ANK3: variants seen among roughly 807,000 people sequenced by gnomAD.
ANK3 encodes the protein ankyrin 3.
A neutral mutation model predicts 370.9 loss-of-function variants in ANK3; 57 were observed. The observed-to-expected ratio is 0.15, with a 90% CI of 0.12 to 0.19. The LOEUF (loss-of-function observed/expected upper bound fraction) is 0.19. ANK3 is among the 10% of genes least tolerant of loss of function. The pLI is 1.00. For synonymous variants in ANK3, 1,929 were observed against 1,946.3 expected, an observed-to-expected ratio of 0.99 and a Z score of 0.23; for missense variants, 4,439 against 5,302.1, an observed-to-expected ratio of 0.84 and a Z score of 5.06.
rs1465730947 is a variant in ANK3 at position 60,138,718 on chromosome 10, A to G, written c.2738+246T>C. 5.4e-6 allele frequency: 3 copies of G among 554,790 alleles called. No homozygotes were observed. In the East Asian group the frequency reaches 9.3e-5, roughly 17 times the overall value. The allele number at this position is 554,790 out of a possible 1,614,324, so 34.4% of individuals were successfully genotyped here. On this transcript the variant is annotated intron_variant, in intron 24 of 43. Coordinates refer to ENST00000280772, the MANE Select transcript of ANK3 (RefSeq NM_020987.5). The stretch of plus-strand genomic sequence containing the variant: ...GCTCTTTTGCTACTGTGCTGGCAGC[A>G]TGACTGCAAAGTGGGAAAAAAAAAA...
At chr10:60,482,775 C>T (rs1237121422) in intron 2 of ANK3, among the ~76,000 whole-genome samples, 1 of 152,200 alleles carries the variant, frequency 6.6e-6, no homozygotes, top group Non-Finnish European at 1.5e-5. Context: ...GTGTGAGCCA[C>T]TGCACTCAGC....
At chr10:60,590,857 T>C (rs538326567) in intron 2 of ANK3, among the ~76,000 whole-genome samples, 2 of 152,360 alleles carry the variant, frequency 1.3e-5, no homozygotes, top group East Asian at 3.9e-4. Flanking sequence ...CTTGTATTTT[T>C]ATTGTTGTAT....
chr10:60,412,511 G>A (rs1272663399), intron 2 of ANK3, among the ~76,000 whole-genome samples: 2 of 152,096 alleles, frequency 1.3e-5, no homozygotes, highest in African/African-American at 2.4e-5. Flanking sequence ...GAAGATTGCA[G>A]GACTTCTCAG....
rs552877701 is a variant in ANK3, at chr10:60,706,331, C to T, written c.57+26932G>A. Among the ~76,000 whole-genome samples the T allele has an allele frequency of 2.4e-3, 367 of 152,114 alleles. 2 individuals are homozygous for T. Among genetic ancestry groups the T allele is most frequent in the Middle Eastern group, 6.8e-3 (2 of 294 alleles). On this transcript the variant is annotated intron_variant, in intron 1 of 43. Transcript: ENST00000373827. ...GAAACATTCCAACCATAAGATAAACCCCTCCCTCACCAGAGACATGCCAGC... is the reference window on the plus strand; with the variant it reads ...GAAACATTCCAACCATAAGATAAACTCCTCCCTCACCAGAGACATGCCAGC...
At position 60,249,785 on chromosome 10, in the gene ANK3, C is replaced by T. The variant is rs139879809; in HGVS notation, c.798+12074G>A. ...TCAGTGGCCGATACCCCATCCTCAA[C>T]GAGAATGAGGCAATGAGGCTGCCCA... On this transcript the variant is annotated intron_variant, in intron 7 of 43. Transcript: ENST00000280772. Among the ~76,000 whole-genome samples, 541 of 152,288 alleles carry T rather than the reference C, an allele frequency of 3.6e-3. 4 individuals are homozygous for T. Among genetic ancestry groups the T allele is most frequent in the African/African-American group, 0.012 (507 of 41,560 alleles).
At chr10:60,437,101 T>G (rs1285605867) in intron 2 of ANK3, among the ~76,000 whole-genome samples, 1 of 152,004 alleles carries the variant, frequency 6.6e-6, no homozygotes, top group Admixed American at 6.6e-5. Flanking sequence ...GATTCCAGAG[T>G]GTTTAGACCA....
chr10:60,117,486 G>C (rs1025956566), intron 25 of ANK3, among the ~76,000 whole-genome samples: 10 of 152,056 alleles, frequency 6.6e-5, no homozygotes, highest in African/African-American at 2.2e-4. Context: ...TCAAGCAAGT[G>C]AAAAAACTCC....
chr10:60,127,380 G>A (rs1478823179), intron 25 of ANK3, among the ~76,000 whole-genome samples: 1 of 152,128 alleles, frequency 6.6e-6, no homozygotes, highest in African/African-American at 2.4e-5. Flanking sequence ...GCACTGCCAC[G>A]GAAATGGGTA....
intron 2 of ANK3, among the ~76,000 whole-genome samples, chr10:60,415,271 C>T (rs2063638641): frequency 6.6e-6 from 1 of 152,122 alleles, no homozygotes; most frequent in Admixed American, 6.6e-5. Context: ...CTCCGTTATT[C>T]CCAGAGGCCG....
intron 4 of ANK3, among the ~76,000 whole-genome samples, chr10:60,278,438 A>T (rs1363963304): frequency 6.6e-6 from 1 of 152,070 alleles, no homozygotes; most frequent in Non-Finnish European, 1.5e-5. Flanking sequence ...ACAGTGGTGC[A>T]ATCTCGGCTC....
intron 2 of ANK3, among the ~76,000 whole-genome samples, chr10:60,585,254 C>A (rs993875812): frequency 5.9e-4 from 90 of 152,274 alleles, no homozygotes; most frequent in African/African-American, 2.1e-3. Context: ...ACCTGGCCTG[C>A]AGTAACTTGA....
chr10:60,604,687 A>G (rs1474847758), intron 2 of ANK3, among the ~76,000 whole-genome samples: 1 of 152,204 alleles, frequency 6.6e-6, no homozygotes, highest in Non-Finnish European at 1.5e-5. Flanking sequence ...AGGAAAATAG[A>G]ATAATGCTTT....
intron 1 of ANK3, among the ~76,000 whole-genome samples, chr10:60,690,894 C>T (rs78186536): frequency 2.0e-4 from 30 of 152,230 alleles, no homozygotes; most frequent in Admixed American, 1.4e-3. Context: ...AAAGGCATTG[C>T]GAATTCTAAT....
chr10:60,557,192 A>C (rs1039733557), intron 2 of ANK3, among the ~76,000 whole-genome samples: 1 of 152,228 alleles, frequency 6.6e-6, no homozygotes, highest in South Asian at 2.1e-4. Flanking sequence ...AAACTTATAC[A>C]GGATGTTTGT....
At chr10:60,130,659 A>G (rs973256738) in intron 25 of ANK3, among the ~76,000 whole-genome samples, 10 of 152,188 alleles carry the variant, frequency 6.6e-5, no homozygotes, top group African/African-American at 2.4e-4. Context: ...ATTTAATCCT[A>G]AAGTGTTTAA....
At chr10:60,157,284 G>A (rs2132267524) in intron 23 of ANK3, among the ~76,000 whole-genome samples, 1 of 150,498 alleles carries the variant, frequency 6.6e-6, no homozygotes, top group Admixed American at 6.6e-5. Flanking sequence ...TGATCTGCCT[G>A]CCTCAGCGTC....
Position 60,042,612 on chromosome 10 carries a change from GAA to G in ANK3, c.*19+58_*19+59del, listed in dbSNP as rs35210747. On this transcript the variant is annotated intron_variant, in intron 43 of 43. Transcript: ENST00000280772. Reference sequence around the variant, plus strand: ...GGAAAATCAGAATCACTTATTTAGTGAAAAATATAAGTTTCACAGGAATTTAA... The same window carrying G: ...GGAAAATCAGAATCACTTATTTAGTGAAATATAAGTTTCACAGGAATTTAA... 2.4e-4 allele frequency: 362 copies of G among 1,481,016 alleles called. 1 individual carries two copies. Among genetic ancestry groups the G allele is most frequent in the Non-Finnish European group, 2.7e-4 (295 of 1,075,788 alleles). The allele number at this position is 1,481,016 out of a possible 1,614,324, so 91.7% of individuals were successfully genotyped here.
rs551674193 is a variant in ANK3, at chr10:60,455,880, G to A, written c.96+159306C>T. On this transcript the variant is annotated intron_variant, in intron 2 of 43. Coordinates refer to the ANK3 transcript ENST00000373827. ...TAACTTCAAGAGTCACTCCCCTTGG[G>A]AGATGCGATGGATGATATGGGTGAA... 3.3e-5 allele frequency among the ~76,000 whole-genome samples: 5 copies of A among 152,290 alleles called. No homozygotes were observed. The East Asian group carries it at 5.8e-4, about 18-fold the overall frequency.
chr10:60,469,171 A>G (rs1311763863), intron 2 of ANK3, among the ~76,000 whole-genome samples: 3 of 111,268 alleles, frequency 2.7e-5, no homozygotes, highest in East Asian at 3.0e-4. Context: ...GTGTGTGTGT[A>G]TATATATATA....
Sources: gnomAD v4.1 joint callset for allele counts (sites outside exome capture counted in the v4.1 genomes callset) on GRCh38, gnomAD v4.1.1 for gene constraint, MANE v1.5 for transcripts, NCBI Gene and HGNC (gene_info 2026-07-23, HGNC 2026-07-21) for gene names.